PSMD11: variants seen among roughly 807,000 people sequenced by gnomAD.
PSMD11 encodes the protein 26S proteasome non-ATPase regulatory subunit 11.
Under a neutral mutation model 62.3 loss-of-function variants are expected in PSMD11, and 5 were observed. The observed-to-expected ratio is 0.08, with a 90% CI of 0.04 to 0.17. PSMD11 has a LOEUF of 0.17. Ranked by LOEUF, PSMD11 falls within the 10% of genes least tolerant of loss-of-function variation. The pLI is 1.00. For synonymous variants in PSMD11, 191 were observed against 191.8 expected, an observed-to-expected ratio of 1.00 and a Z score of 0.03; for missense variants, 310 against 512.9, an observed-to-expected ratio of 0.60 and a Z score of 3.82.
chr17:32,444,687 G>C, intron 1 of PSMD11, 73 bp downstream of exon 1: 3 of 1,574,948 alleles, frequency 1.9e-6, no homozygotes, highest in Non-Finnish European at 1.7e-6. Context: ...GCAGCGGAGA[G>C]GGGCCCGGCT....
In PSMD11 at chr17:32,481,339, A is replaced by G. The variant is rs568386436; in HGVS notation, c.*587A>G. The G allele has an allele frequency of 1.5e-3, 247 of 159,680 alleles. 1 individual carries two copies. Among genetic ancestry groups the G allele is most frequent in the Non-Finnish European group, 2.4e-3 (172 of 72,238 alleles). 9.9% of individuals were successfully genotyped at this position (159,680 alleles called of 1,614,324 possible). A position where few individuals can be genotyped will look rare whatever the true frequency, so the allele number is the denominator to read the frequency against. On this transcript the variant is annotated 3_prime_UTR_variant, in exon 14 of 14. Transcript: ENST00000261712. ...AGCCGAAGGTCCTGCCGCCGCCGCC[A>G]CCACCACCACCACTGCAGCAACAAC...
chr17:32,471,876 GT>G lies in PSMD11; in HGVS notation c.644-1912del, dbSNP rs529915741. On this transcript the variant is annotated intron_variant, in intron 6 of 13. Coordinates refer to ENST00000261712, the MANE Select transcript of PSMD11 (RefSeq NM_002815.4). ...TGCTGACTATGGTGACTTTGGGCAGGTTTTTTTTTTTTTAGACGGTCTCACT... is the reference window on the plus strand; with the variant it reads ...TGCTGACTATGGTGACTTTGGGCAGGTTTTTTTTTTTTAGACGGTCTCACT... Among the ~76,000 whole-genome samples the G allele has an allele frequency of 1.1e-3, 162 of 144,166 alleles. 1 individual carries two copies. Among genetic ancestry groups the G allele is most frequent in the Admixed American group, 1.4e-3 (20 of 14,440 alleles). 94.6% of individuals were successfully genotyped at this position (144,166 alleles called of 152,430 possible).
intron 5 of PSMD11, among the ~76,000 whole-genome samples, chr17:32,467,161 T>G (rs1908015563): frequency 6.6e-6 from 1 of 151,954 alleles, no homozygotes; most frequent in Admixed American, 6.6e-5. Flanking sequence ...GCCAGCCTGG[T>G]CTCGAACTCT....
In PSMD11 at chr17:32,480,535, C is replaced by G. The variant is rs755566230; in HGVS notation, c.1173C>G (p.Pro391=). ...GTGTCCTGATTATTTTCGATGAACCCCCAGTAGATAAAACTTACGAAGCTG... is the reference window on the plus strand; with the variant it reads ...GTGTCCTGATTATTTTCGATGAACCGCCAGTAGATAAAACTTACGAAGCTG... The part of the protein sequence containing the change: ...GEGVLIIFDE[P]PVDKTYEAAL... The change falls in exon 13 of 14, where the codon CCC becomes CCG. Residue 391 remains proline, a synonymous_variant. Coordinates refer to ENST00000261712, the MANE Select transcript of PSMD11 (RefSeq NM_002815.4). 1 of 1,614,068 alleles carries G rather than the reference C, an allele frequency of 6.2e-7. No homozygotes were observed. Among genetic ancestry groups the G allele is most frequent in the Non-Finnish European group, 8.5e-7 (1 of 1,179,988 alleles).
intron 5 of PSMD11, among the ~76,000 whole-genome samples, chr17:32,466,120 C>T (rs574772486): frequency 2.4e-4 from 37 of 152,256 alleles, no homozygotes; most frequent in Admixed American, 1.4e-3. Context: ...CTCGGCCTCC[C>T]GAATAGCAGA....
chr17:32,475,298 C>G (rs1046621260), intron 8 of PSMD11, among the ~76,000 whole-genome samples: 1 of 149,992 alleles, frequency 6.7e-6, no homozygotes, highest in Admixed American at 6.6e-5. Flanking sequence ...TCTACTCGTG[C>G]TTTGAATTTT....
intron 6 of PSMD11, among the ~76,000 whole-genome samples, chr17:32,469,652 GGCTGGGAA>G (rs1908103035): frequency 6.6e-6 from 1 of 152,122 alleles, no homozygotes; most frequent in Non-Finnish European, 1.5e-5. Flanking sequence ...GTGAATGTGA[GGCTGGGAA>G]GCCATGGATT....
At chr17:32,479,662 GTC>G (rs2150841004) in intron 10 of PSMD11, 187 bp from the exon 11 acceptor site, 1 of 725,656 alleles carries the variant, frequency 1.4e-6, no homozygotes, top group Non-Finnish European at 2.3e-6. Flanking sequence ...TGGGATAAGA[GTC>G]TGTTTATTGT....
chr17:32,474,030 G>A, intron 7 of PSMD11, 85 bp downstream of exon 7: 1 of 1,509,064 alleles, frequency 6.6e-7, no homozygotes, highest in Non-Finnish European at 9.1e-7. Flanking sequence ...TGAGCAGGGA[G>A]TTTGGCCAGT....
chr17:32,454,613 G>A lies in PSMD11; in HGVS notation c.312G>A (p.Gly104=), dbSNP rs373669061. ...TTCTTGATATGGAAGCAGCTACAGG[G>A]CAGGAGGTAAGTGATATTAATGACA... ...DLFLDMEAAT[G]QEVELCLECI... The change falls in exon 3 of 14, where the codon GGG becomes GGA. Residue 104 remains glycine, a synonymous_variant. Coordinates refer to ENST00000261712, the MANE Select transcript of PSMD11 (RefSeq NM_002815.4). 4.3e-6 allele frequency: 7 copies of A among 1,612,638 alleles called. No homozygotes were observed. The highest frequency in any genetic ancestry group is 1.7e-5 in the Admixed American group (1 of 59,554).
Position 32,479,258 on chromosome 17 carries a change from CAG to C in PSMD11, c.922_923del (p.Asp308LeufsTer8). On this transcript the variant is annotated frameshift_variant, in exon 10 of 14. Transcript: ENST00000261712. LOFTEE classifies it high-confidence loss of function. ...AACTGGTTCCTTTGGCAGGCTCTGA[CAG>C]ATTACCGGGCAGAGCTCCGGGATGA... The C allele has an allele frequency of 6.2e-7, 1 of 1,613,918 alleles. No individual in the cohort carries two copies. Among genetic ancestry groups the C allele is most frequent in the Non-Finnish European group, 8.5e-7 (1 of 1,179,874 alleles).
At chr17:32,466,444 C>G (rs1217688401) in intron 5 of PSMD11, among the ~76,000 whole-genome samples, 1 of 152,200 alleles carries the variant, frequency 6.6e-6, no homozygotes, top group African/African-American at 2.4e-5. Context: ...CTGTGATTGT[C>G]TTCTTTCACG....
At position 32,468,872 on chromosome 17, in the gene PSMD11, G is replaced by C; in HGVS notation, c.449-127G>C. The C allele has an allele frequency of 3.5e-6, 3 of 863,378 alleles. No individual in the cohort carries two copies. In the South Asian group the frequency reaches 6.1e-5, roughly 18 times the overall value. The allele number at this position is 863,378 out of a possible 1,614,324, so 53.5% of individuals were successfully genotyped here. A position where few individuals can be genotyped will look rare whatever the true frequency, so the allele number is the denominator to read the frequency against. ...ATTTAATTATTGCATGGGGTCTAGA[G>C]GTAACCTTTTTTGAGTTCAGGAATT... On this transcript the variant is annotated intron_variant, in intron 5 of 13. Coordinates refer to ENST00000261712, the MANE Select transcript of PSMD11 (RefSeq NM_002815.4).
intron 5 of PSMD11, among the ~76,000 whole-genome samples, chr17:32,465,503 C>T (rs1396499319): frequency 1.3e-5 from 2 of 152,044 alleles, no homozygotes; most frequent in African/African-American, 4.8e-5. Context: ...GAAGAGTTTC[C>T]AATATTCAAT....
intron 2 of PSMD11, among the ~76,000 whole-genome samples, chr17:32,452,745 C>A (rs1479347452): frequency 1.3e-5 from 2 of 152,168 alleles, no homozygotes; most frequent in Non-Finnish European, 2.9e-5. Flanking sequence ...TGTTACATAT[C>A]ATGGCCAGAT....
intron 9 of PSMD11, among the ~76,000 whole-genome samples, chr17:32,478,677 G>A (rs1908398245): frequency 6.6e-6 from 1 of 152,210 alleles, no homozygotes; most frequent in Non-Finnish European, 1.5e-5. Context: ...CCAAGAGCTA[G>A]TTGTGGAATT....
At chr17:32,468,580 T>C (rs1908064899) in intron 5 of PSMD11, among the ~76,000 whole-genome samples, 1 of 152,210 alleles carries the variant, frequency 6.6e-6, no homozygotes, top group Admixed American at 6.5e-5. Context: ...TTGGAGAACA[T>C]TGGTATATCT....
Position 32,464,665 on chromosome 17 carries a change from A to G in PSMD11, c.448+87A>G, listed in dbSNP as rs539242140. On this transcript the variant is annotated intron_variant, in intron 5 of 13. Transcript: ENST00000261712. The stretch of plus-strand genomic sequence containing the variant: ...CTACTCTTACTAATTACCTGTTAAT[A>G]ATTTATATTCTACTGACTTCTAAGA... The G allele has an allele frequency of 1.9e-5, 19 of 1,013,478 alleles. No homozygotes were observed. The East Asian group carries it at 3.5e-4, about 19-fold the overall frequency. The allele number at this position is 1,013,478 out of a possible 1,614,324, so 62.8% of individuals were successfully genotyped here.
At chr17:32,444,650 G>A in intron 1 of PSMD11, 36 bp downstream of exon 1, 4 of 1,608,716 alleles carry the variant, frequency 2.5e-6, no homozygotes, top group Non-Finnish European at 3.4e-6. Context: ...GGCCCCGCCG[G>A]CCCAGCTCGG....
Sources: gnomAD v4.1 joint callset for allele counts (sites outside exome capture counted in the v4.1 genomes callset) on GRCh38, gnomAD v4.1.1 for gene constraint, MANE v1.5 for transcripts, NCBI Gene and HGNC (gene_info 2026-07-23, HGNC 2026-07-21) for gene names.